RFC5: variants seen among roughly 807,000 people sequenced by gnomAD.
The protein encoded by RFC5 is replication factor C subunit 5.
A neutral mutation model predicts 44.3 loss-of-function variants in RFC5; 26 were observed. The ratio of observed to expected loss-of-function variants is 0.59; its 90% CI spans 0.43 to 0.81. The LOEUF (loss-of-function observed/expected upper bound fraction) is 0.81, where lower values mean the gene tolerates loss of function less well. Ranked by LOEUF, RFC5 falls within the 40% of genes least tolerant of loss-of-function variation. The pLI, the probability that RFC5 is intolerant of heterozygous loss-of-function variation, is 0.00. For synonymous variants in RFC5, 155 were observed against 155.2 expected (o/e 1.00, Z 0.01); for missense variants, 328 against 418.6 (o/e 0.78, Z 1.89).
At chr12:118,037,590 C>T (rs2031541191), downstream of RFC5, among the ~76,000 whole-genome samples, 1 of 151,756 alleles carries the variant, frequency 6.6e-6, no homozygotes, top group Admixed American at 6.6e-5. Flanking sequence ...ATCGCTTGAA[C>T]CCGGGAAGCG....
downstream of RFC5, chr12:118,034,197 TAA>T: frequency 1.2e-6 from 2 of 1,614,190 alleles, no homozygotes; most frequent in Non-Finnish European, 1.7e-6. Flanking sequence ...TGGTGTTGCT[TAA>T]AAAGTCCTGT....
At chr12:118,034,660 T>C, downstream of RFC5, 2 of 489,848 alleles carry the variant, frequency 4.1e-6, no homozygotes, top group Non-Finnish European at 7.2e-6. Flanking sequence ...TGCCACCTAC[T>C]GAATTATAGA....
At chr12:118,038,203 G>A in the RFC5 span, 10 of 1,329,124 alleles carry the variant, frequency 7.5e-6, no homozygotes, top group Admixed American at 5.8e-5. Flanking sequence ...ATTTGCGGAC[G>A]ATTTTGAGAA....
rs1277864978 is a variant in RFC5, at chr12:118,031,069, A to T, written c.927-113A>T. 5.9e-6 allele frequency: 4 copies of T among 679,702 alleles called. No individual in the cohort carries two copies. The Admixed American group carries it at 1.0e-4, about 18-fold the overall frequency. 42.1% of individuals were successfully genotyped at this position (679,702 alleles called of 1,614,324 possible). A position where few individuals can be genotyped will look rare whatever the true frequency, so the allele number is the denominator to read the frequency against. ...CCATCCAGGGCACATTTGTTCTATC[A>T]ATTCCCATCCCCACTCCTTCAACAG... On this transcript the variant is annotated intron_variant, in intron 10 of 10. Transcript: ENST00000454402.
downstream of RFC5, chr12:118,037,962 G>A: frequency 4.8e-6 from 1 of 210,312 alleles, no homozygotes; most frequent in Non-Finnish European, 9.5e-6. Context: ...ATGGTTCAAA[G>A]GAAATTTGGA....
Position 118,019,317 on chromosome 12 carries a change from A to G in RFC5, c.130+181A>G, listed in dbSNP as rs1363425440. On this transcript the variant is annotated intron_variant, in intron 2 of 10. Transcript: ENST00000454402. The surrounding 1 kb of genome is among the most constrained non-coding windows in gnomAD (Gnocchi z 4.2). ...ACAGTCCAGTGGGTAAGTCACAAAC[A>G]TGAGCATAAAATTGCAACACAGTGG... Among the ~76,000 whole-genome samples, 3 of 152,230 alleles carry G rather than the reference A, an allele frequency of 2.0e-5. No individual in the cohort carries two copies. The highest frequency in any genetic ancestry group is 4.4e-5 in the Non-Finnish European group (3 of 68,042).
chr12:118,025,122 G>A lies in RFC5; in HGVS notation c.581+112G>A, dbSNP rs528923063. 6 of 967,992 alleles carry A rather than the reference G, an allele frequency of 6.2e-6. No individual in the cohort carries two copies. In the South Asian group the frequency reaches 6.6e-5, roughly 11 times the overall value. 60.0% of individuals were successfully genotyped at this position (967,992 alleles called of 1,614,324 possible). On this transcript the variant is annotated intron_variant, in intron 6 of 10. Coordinates refer to ENST00000454402, the MANE Select transcript of RFC5 (RefSeq NM_007370.7). The stretch of plus-strand genomic sequence containing the variant: ...ATGTTGGAAAACGACTTTGCAGAGT[G>A]CCTAGCACAGGGGAGGCACTGGGGA...
At chr12:118,035,426 G>A, downstream of RFC5, 3 of 939,736 alleles carry the variant, frequency 3.2e-6, no homozygotes, top group Non-Finnish European at 5.0e-6. Flanking sequence ...GCTACAAAAG[G>A]GCTCAAGATG....
At chr12:118,035,417 C>T, downstream of RFC5, 1 of 1,098,336 alleles carries the variant, frequency 9.1e-7, no homozygotes. Flanking sequence ...ACTGCCCTGG[C>T]TACAAAAGGG....
chr12:118,032,467 A>G (rs1482223690), downstream of RFC5: 7 of 151,984 alleles, frequency 4.6e-5, no homozygotes, highest in Non-Finnish European at 8.8e-5. Context: ...TACTTGTTTT[A>G]TGTGTTTATT....
chr12:118,017,190 C>T (rs56265333), intron 1 of RFC5, among the ~76,000 whole-genome samples: 157 of 152,354 alleles, frequency 1.0e-3, no homozygotes, highest in African/African-American at 3.5e-3. Context: ...CGTCTCCTGA[C>T]GCCTGCAATG....
Position 118,025,755 on chromosome 12 carries a change from T to C in RFC5, c.590T>C (p.Ile197Thr), listed in dbSNP as rs1593447531. 1 of 1,602,736 alleles carries C rather than the reference T, an allele frequency of 6.2e-7. No homozygotes were observed. The highest frequency in any genetic ancestry group is 8.5e-7 in the Non-Finnish European group (1 of 1,170,906). ...EHVVEEEKVD[I>T]SEDGMKALVT... ...TTGCTTATTTCTTTCAGAGTTGATATAAGTGAAGATGGAATGAAAGCACTA... is the reference window on the plus strand; with the variant it reads ...TTGCTTATTTCTTTCAGAGTTGATACAAGTGAAGATGGAATGAAAGCACTA... The change falls in exon 7 of 11, where the codon ATA (isoleucine) becomes ACA (threonine). Residue 197 changes from isoleucine to threonine, a missense_variant. Transcript: ENST00000454402.
chr12:118,018,703 G>A (rs537565531), intron 1 of RFC5, among the ~76,000 whole-genome samples: 8 of 152,164 alleles, frequency 5.3e-5, no homozygotes, highest in East Asian at 1.9e-4. Flanking sequence ...TCCGCCTCCC[G>A]GGTTCCAGCA....
At chr12:118,026,074 C>T (rs968296180) in intron 7 of RFC5, among the ~76,000 whole-genome samples, 1 of 152,188 alleles carries the variant, frequency 6.6e-6, no homozygotes, top group East Asian at 1.9e-4. Flanking sequence ...AACTCCTGAC[C>T]TCAAATGATC....
chr12:118,030,841 G>A (rs1319894831), intron 10 of RFC5, among the ~76,000 whole-genome samples: 1 of 152,078 alleles, frequency 6.6e-6, no homozygotes, highest in African/African-American at 2.4e-5. Context: ...GTAGAGACGG[G>A]GGTTTCACCA....
chr12:118,033,165 T>G (rs2031408125), downstream of RFC5: 1 of 152,222 alleles, frequency 6.6e-6, no homozygotes, highest in African/African-American at 2.4e-5. Context: ...ATTAGATAAC[T>G]ACATGCCACT....
chr12:118,031,060 T>C, intron 10 of RFC5, 122 bp from the exon 11 acceptor site: 1 of 640,874 alleles, frequency 1.6e-6, no homozygotes, highest in Non-Finnish European at 2.8e-6. Flanking sequence ...AGGGCACATT[T>C]GTTCTATCAA....
chr12:118,039,379 G>C, the RFC5 span, among the ~76,000 whole-genome samples: 39 of 152,304 alleles, frequency 2.6e-4, no homozygotes, highest in Admixed American at 1.8e-3. Flanking sequence ...ATTAGAGAGA[G>C]ATTTTCCATG....
the RFC5 span, chr12:118,038,345 G>A: frequency 1.2e-6 from 2 of 1,614,176 alleles, no homozygotes; most frequent in East Asian, 4.5e-5. Context: ...TGGAACAGCA[G>A]TAAACCCACT....
Sources: allele counts gnomAD v4.1 joint callset (sites outside exome capture counted in the v4.1 genomes callset), GRCh38; gene constraint gnomAD v4.1.1; non-coding constraint Gnocchi (gnomAD v3.1); transcripts MANE v1.5; gene names NCBI Gene and HGNC (gene_info 2026-07-23, HGNC 2026-07-21).